The following GNE variants were observed in gnomAD, a reference collection of about 807,000 sequenced individuals.
The protein encoded by GNE is glucosamine (UDP-N-acetyl)-2-epimerase/N-acetylmannosamine kinase, also known as bifunctional UDP-N-acetylglucosamine 2-epimerase/N-acetylmannosamine kinase.
In GNE, 41 loss-of-function variants were observed where a neutral mutation model predicts 61.8. The ratio of observed to expected loss-of-function variants is 0.66; its 90% CI spans 0.52 to 0.86. The LOEUF is 0.86. GNE is among the 40% of genes least tolerant of loss of function. The pLI, the probability that GNE is intolerant of heterozygous loss-of-function variation, is 0.00. For missense variants in GNE, 608 were observed against 909.1 expected (o/e 0.67, Z 4.26); for synonymous variants, 264 against 326.4 (o/e 0.81, Z 2.06).
rs182744265 is a variant in GNE, at chr9:36,270,809, G to A, written c.51+6085C>T. Among the ~76,000 whole-genome samples, 331 of 152,246 alleles carry A rather than the reference G, an allele frequency of 2.2e-3. 1 individual carries two copies. The highest frequency in any genetic ancestry group is 6.2e-3 in the South Asian group (30 of 4,822). ...TGGGATTACAGGCGTGAGCCACCAC[G>A]CCCGGCCTGACAGGAGGATTTCTTG... is the stretch of plus-strand genomic sequence containing the variant. On this transcript the variant is annotated intron_variant, in intron 1 of 11. Coordinates refer to the GNE transcript ENST00000396594.
chr9:36,241,537 T>C (rs904649909), intron 3 of GNE, among the ~76,000 whole-genome samples: 3 of 152,214 alleles, frequency 2.0e-5, no homozygotes, highest in Non-Finnish European at 2.9e-5. Flanking sequence ...ATACATTTCA[T>C]ACAAAGTTTG....
At chr9:36,233,859 C>T (rs1177825361) in intron 5 of GNE, 61 bp downstream of exon 5, 2 of 1,257,180 alleles carry the variant, frequency 1.6e-6, no homozygotes, top group Non-Finnish European at 2.3e-6. Context: ...ATATGCATAC[C>T]TTATAACAAC....
intron 1 of GNE, among the ~76,000 whole-genome samples, chr9:36,251,863 G>A (rs2133135725): frequency 6.6e-6 from 1 of 152,034 alleles, no homozygotes; most frequent in Admixed American, 6.6e-5. Flanking sequence ...CCATCATTAG[G>A]TCCACTCTGA....
At chr9:36,260,759 C>T (rs1371938322), upstream of GNE, among the ~76,000 whole-genome samples, 1 of 150,816 alleles carries the variant, frequency 6.6e-6, no homozygotes, top group Non-Finnish European at 1.5e-5. Context: ...GTCCCAGCTA[C>T]TCGGGAGGCT....
At position 36,258,410 on chromosome 9, in the gene GNE, C is replaced by G. The variant is rs1011760019; in HGVS notation, c.-132G>C. The G allele has an allele frequency of 4.4e-5, 43 of 985,492 alleles. No individual in the cohort carries two copies. In the African/African-American group the frequency reaches 6.3e-4, roughly 14 times the overall value. 61.0% of individuals were successfully genotyped at this position (985,492 alleles called of 1,614,324 possible). A position where few individuals can be genotyped will look rare whatever the true frequency, so the allele number is the denominator to read the frequency against. The stretch of plus-strand genomic sequence containing the variant: ...CGCCACGAAGCAGGCAGAGCGCGAG[C>G]CTGCCCCTCGGTTTCCGCGCTCGGG... On this transcript the variant is annotated 5_prime_UTR_variant, in exon 1 of 12. Transcript: ENST00000642385.
chr9:36,227,444 C>T lies in GNE; in HGVS notation c.1085G>A (p.Gly362Glu), dbSNP rs755188930. 1.9e-6 allele frequency: 3 copies of T among 1,605,428 alleles called. No homozygotes were observed. Among genetic ancestry groups the T allele is most frequent in the Non-Finnish European group, 2.6e-6 (3 of 1,172,164 alleles). Reference protein sequence around the residue: ...GKQYPCSKIYGDGNAVPRILK... With the variant: ...GKQYPCSKIYEDGNAVPRILK... ...AATCCTTGGAACAGCATTTCCATCC[C>T]CATATATCTTTGAACTGCAATATAC... The change falls in exon 7 of 12, where the codon GGG becomes GAG. Residue 362 changes from glycine to glutamate, a missense_variant. Physicochemically the swap from Gly to Glu is moderately conservative, Grantham distance 98 (BLOSUM62 -2). Transcript: ENST00000642385.
In GNE at chr9:36,236,744, A is replaced by G; in HGVS notation, c.769+88T>C. 2.7e-6 allele frequency: 3 copies of G among 1,129,516 alleles called. No homozygotes were observed. In the South Asian group the frequency reaches 3.7e-5, roughly 14 times the overall value. 70.0% of individuals were successfully genotyped at this position (1,129,516 alleles called of 1,614,324 possible). A position where few individuals can be genotyped will look rare whatever the true frequency, so the allele number is the denominator to read the frequency against. Reference sequence around the variant, plus strand: ...TAGAGTGCCCTTCAATGATAAGATGAGCAAGATAGGAAGGCAGTTAAAAGA... The same window carrying G: ...TAGAGTGCCCTTCAATGATAAGATGGGCAAGATAGGAAGGCAGTTAAAAGA... On this transcript the variant is annotated intron_variant, in intron 4 of 11. Coordinates refer to ENST00000642385, the MANE Select transcript of GNE (RefSeq NM_005476.7).
upstream of GNE, among the ~76,000 whole-genome samples, chr9:36,261,633 A>G (rs1830621240): frequency 6.7e-6 from 1 of 148,880 alleles, no homozygotes; most frequent in African/African-American, 2.5e-5. Context: ...AAGTCACTTG[A>G]AGTCAGGTCA....
At chr9:36,269,160 A>C (rs1332026744) in intron 1 of GNE, among the ~76,000 whole-genome samples, 1 of 150,506 alleles carries the variant, frequency 6.6e-6, no homozygotes, top group African/African-American at 2.4e-5. Context: ...AAGCATGAAC[A>C]TAAGGCCTCA....
intron 1 of GNE, chr9:36,276,772 G>A (rs557262542): frequency 2.6e-6 from 2 of 756,572 alleles, no homozygotes; most frequent in Non-Finnish European, 4.4e-6. Context: ...CTTTAAAAAT[G>A]ATGGATTTGA....
At chr9:36,258,287 C>T (rs1355868033) in intron 1 of GNE, 34 bp downstream of exon 1, 3 of 982,548 alleles carry the variant, frequency 3.1e-6, no homozygotes, top group Non-Finnish European at 3.6e-6. Flanking sequence ...GCAGGATGCT[C>T]TCCCGGAGTC....
rs1363993535 is a variant in GNE at position 36,220,009 on chromosome 9, C to T, written c.1645G>A (p.Gly549Arg). 1 of 1,613,640 alleles carries T rather than the reference C, an allele frequency of 6.2e-7. No individual in the cohort carries two copies. Among genetic ancestry groups the T allele is most frequent in the Non-Finnish European group, 8.5e-7 (1 of 1,179,786 alleles). Reference sequence around the variant, plus strand: ...ATCAATTCATGCTGATGGATAATTCCACCACCGATTCCTACAGCGAGGGAT... The same window carrying T: ...ATCAATTCATGCTGATGGATAATTCTACCACCGATTCCTACAGCGAGGGAT... ...TLITGTGIGG[G>R]IIHQHELIHG... Residue 549 changes from glycine (G) to arginine (R), a missense_variant, in exon 10 of 12, where the codon GGA (glycine) becomes AGA (arginine). Gly to Arg is a moderately radical substitution (Grantham distance 125). Coordinates refer to ENST00000642385, the MANE Select transcript of GNE (RefSeq NM_005476.7).
At chr9:36,249,730 A>C (rs895627116) in intron 1 of GNE, among the ~76,000 whole-genome samples, 2 of 151,984 alleles carry the variant, frequency 1.3e-5, no homozygotes, top group Non-Finnish European at 2.9e-5. Context: ...ATACAAAAAA[A>C]AAAATTAGCT....
intron 6 of GNE, among the ~76,000 whole-genome samples, chr9:36,228,065 CA>C (rs1828974688): frequency 7.2e-6 from 1 of 139,172 alleles, no homozygotes. Flanking sequence ...CCAACAATAA[CA>C]AAAAAGAAAT....
In GNE at chr9:36,246,077, G is replaced by C; in HGVS notation, c.570C>G (p.Leu190=). Residue 190 remains leucine (L), a synonymous_variant, in exon 3 of 12, where the codon CTC becomes CTG. Transcript: ENST00000642385. Reference sequence around the variant, plus strand: ...TCATGTAGTCTTTGTTCTTGGCTGAGAGAAGTTTGTCATAGGAAGGGCAGC... The same window carrying C: ...TCATGTAGTCTTTGTTCTTGGCTGACAGAAGTTTGTCATAGGAAGGGCAGC... ...LAGCPSYDKL[L]SAKNKDYMSI... 6.2e-7 allele frequency: 1 copy of C among 1,614,166 alleles called. No individual in the cohort carries two copies. Among genetic ancestry groups the C allele is most frequent in the Non-Finnish European group, 8.5e-7 (1 of 1,180,024 alleles).
chr9:36,263,176 CTT>C (rs11380173), upstream of GNE: 10 of 145,466 alleles, frequency 6.9e-5, no homozygotes, highest in South Asian at 2.2e-4. Flanking sequence ...TCAGCCATCA[CTT>C]TTTTTTTTTT....
intron 1 of GNE, among the ~76,000 whole-genome samples, chr9:36,256,116 G>C (rs1371773118): frequency 6.6e-6 from 1 of 152,042 alleles, no homozygotes; most frequent in Non-Finnish European, 1.5e-5. Flanking sequence ...TAGTAGAGGT[G>C]GGGTTTCACC....
At chr9:36,262,950 T>C (rs1830656656), upstream of GNE, among the ~76,000 whole-genome samples, 1 of 152,204 alleles carries the variant, frequency 6.6e-6, no homozygotes, top group East Asian at 1.9e-4. Flanking sequence ...TCATCAGTAC[T>C]CATAACAACA....
At chr9:36,249,163 T>C (rs370334740) in intron 2 of GNE, 29 bp downstream of exon 2, 50 of 1,566,510 alleles carry the variant, frequency 3.2e-5, no homozygotes, top group Non-Finnish European at 4.1e-5. Flanking sequence ...ACTGTTGCAA[T>C]GAAGAATAAG....
Sources: gnomAD v4.1 joint callset for allele counts (sites outside exome capture counted in the v4.1 genomes callset) on GRCh38, gnomAD v4.1.1 for gene constraint, MANE v1.5 for transcripts, NCBI Gene and HGNC (gene_info 2026-07-23, HGNC 2026-07-21) for gene names.